The following GPR158 variants were observed in gnomAD, a reference collection of about 807,000 sequenced individuals.
GPR158 encodes G protein-coupled receptor 158.
A neutral mutation model predicts 78.2 loss-of-function variants in GPR158; 30 were observed. That is an observed-to-expected ratio of 0.38 (90% confidence interval 0.29 to 0.52). The LOEUF is 0.52. Among genes scored for constraint, GPR158 ranks in the 20% least tolerant of loss-of-function variants. The probability of loss-of-function intolerance (pLI) is 0.83; values close to 1 mark genes in which losing one functional copy is unlikely to be tolerated. For synonymous variants in GPR158, 581 were observed against 591.1 expected (o/e 0.98, Z 0.25); for missense variants, 1,463 against 1,523.5 (o/e 0.96, Z 0.66).
At chr10:25,455,713 G>A (rs1016128799) in intron 4 of GPR158, among the ~76,000 whole-genome samples, 1 of 152,066 alleles carries the variant, frequency 6.6e-6, no homozygotes, top group African/African-American at 2.4e-5. Flanking sequence ...GAATATATGA[G>A]ACTCTAAAAT....
At chr10:25,530,689 T>C (rs1003041723) in intron 5 of GPR158, among the ~76,000 whole-genome samples, 1 of 152,236 alleles carries the variant, frequency 6.6e-6, no homozygotes, top group African/African-American at 2.4e-5. Flanking sequence ...TAAGCAATCT[T>C]GATGTGATAA....
intron 1 of GPR158, among the ~76,000 whole-genome samples, chr10:25,186,959 C>A (rs1852696859): frequency 1.4e-5 from 2 of 141,422 alleles, no homozygotes; most frequent in Non-Finnish European, 3.0e-5. Flanking sequence ...CTCCCTAACT[C>A]ATTTTTTTTT....
At chr10:25,532,471 T>C (rs1451476571) in intron 5 of GPR158, among the ~76,000 whole-genome samples, 1 of 152,192 alleles carries the variant, frequency 6.6e-6, no homozygotes, top group African/African-American at 2.4e-5. Flanking sequence ...CTGTGAATTC[T>C]TCTGCATTTT....
intron 4 of GPR158, among the ~76,000 whole-genome samples, chr10:25,420,198 A>G (rs1265839807): frequency 2.0e-5 from 3 of 152,154 alleles, no homozygotes; most frequent in Non-Finnish European, 2.9e-5. Flanking sequence ...TACTCAGGCT[A>G]TAATGCAGTG....
At chr10:25,472,904 G>C (rs1835529001) in intron 5 of GPR158, among the ~76,000 whole-genome samples, 1 of 152,088 alleles carries the variant, frequency 6.6e-6, no homozygotes, top group Non-Finnish European at 1.5e-5. Context: ...CTGGAAACAG[G>C]GACAATTTGA....
At chr10:25,569,053 C>T (rs1836968806) in intron 6 of GPR158, among the ~76,000 whole-genome samples, 1 of 152,054 alleles carries the variant, frequency 6.6e-6, no homozygotes, top group African/African-American at 2.4e-5. Context: ...TTTACAAAAA[C>T]CAATATCCTG....
chr10:25,344,089 T>G (rs1279395227), intron 2 of GPR158, among the ~76,000 whole-genome samples: 1 of 151,986 alleles, frequency 6.6e-6, no homozygotes, highest in Non-Finnish European at 1.5e-5. Flanking sequence ...GAGACATTCC[T>G]CAGGACTCAC....
chr10:25,214,964 C>G (rs1336448980), intron 1 of GPR158, among the ~76,000 whole-genome samples: 1 of 152,164 alleles, frequency 6.6e-6, no homozygotes, highest in African/African-American at 2.4e-5. Context: ...AACTAATACA[C>G]CATATTTTAT....
rs762987000 is a variant in GPR158, at chr10:25,175,800, A to T, written c.380A>T (p.Asp127Val). The T allele has an allele frequency of 1.3e-5, 21 of 1,611,904 alleles. No individual in the cohort carries two copies. The South Asian group carries it at 2.3e-4, about 18-fold the overall frequency. ...SAHPSLHRAL[D>V]TLTHATNFLN... ...CACCCCTCCTTGCACCGGGCGCTGG[A>T]CACACTGACACACGCCACCAACTTC... The change falls in exon 1 of 11, where the codon GAC (aspartate) becomes GTC (valine). Residue 127 changes from aspartate to valine, a missense_variant. Coordinates refer to ENST00000376351, the MANE Select transcript of GPR158 (RefSeq NM_020752.3). This position sits in a 1 kb window ranked among gnomAD's most constrained non-coding sequence, Gnocchi z 6.4.
At chr10:25,506,680 T>C (rs966905639) in intron 5 of GPR158, among the ~76,000 whole-genome samples, 2 of 152,182 alleles carry the variant, frequency 1.3e-5, no homozygotes, top group Non-Finnish European at 2.9e-5. Flanking sequence ...TGAGGGCTGA[T>C]AGCATGATAC....
At chr10:25,457,704 T>C (rs1407981745) in intron 4 of GPR158, among the ~76,000 whole-genome samples, 1 of 152,210 alleles carries the variant, frequency 6.6e-6, no homozygotes, top group Non-Finnish European at 1.5e-5. Flanking sequence ...AGTGTTTGGG[T>C]GCTAAGTTGC....
In GPR158 at chr10:25,302,731, T is replaced by A. The variant is rs1219720695; in HGVS notation, c.1008+81574T>A. 7.9e-5 allele frequency among the ~76,000 whole-genome samples: 12 copies of A among 152,340 alleles called. No homozygotes were observed. The East Asian group carries it at 2.3e-3, about 29-fold the overall frequency. On this transcript the variant is annotated intron_variant, in intron 2 of 10. Transcript: ENST00000376351. ...AAACAGACTGCAGATCAAAAACAGT[T>A]TGGCAGCCCCTGTTCTAAGTCAGTG...
chr10:25,516,165 C>A (rs1374852632), intron 5 of GPR158, among the ~76,000 whole-genome samples: 1 of 151,982 alleles, frequency 6.6e-6, no homozygotes, highest in African/African-American at 2.4e-5. Context: ...GCATAAATGT[C>A]TTCTTTTGAG....
chr10:25,176,166 G>A lies in GPR158; in HGVS notation c.746G>A (p.Ser249Asn), dbSNP rs745772383. The A allele has an allele frequency of 8.9e-6, 14 of 1,577,516 alleles. No individual in the cohort carries two copies. Among genetic ancestry groups the A allele is most frequent in the Middle Eastern group, 3.4e-4 (2 of 5,886 alleles). ...CAGGGGCCCCGGGGCCTGGGCCACA[G>A]CTGGCGGCGCAAGGACGGGCTCGGC... ...PNQGPRGLGH[S>N]WRRKDGLGGD... The change falls in exon 1 of 11, where the codon AGC becomes AAC. Residue 249 changes from serine to asparagine, a missense_variant. Ser to Asn is a conservative substitution (Grantham distance 46, BLOSUM62 1). Coordinates refer to ENST00000376351, the MANE Select transcript of GPR158 (RefSeq NM_020752.3). This position sits in a 1 kb window ranked among gnomAD's most constrained non-coding sequence, Gnocchi z 6.3.
intron 7 of GPR158, among the ~76,000 whole-genome samples, chr10:25,582,230 GCTCCT>G (rs1837212496): frequency 1.3e-5 from 2 of 152,166 alleles, no homozygotes; most frequent in African/African-American, 2.4e-5. Context: ...GACATAGCCT[GCTCCT>G]CTGACCTGGA....
At chr10:25,374,532 C>G (rs1834047688) in intron 2 of GPR158, among the ~76,000 whole-genome samples, 2 of 151,674 alleles carry the variant, frequency 1.3e-5, no homozygotes, top group Non-Finnish European at 3.0e-5. Context: ...CATTATGAAG[C>G]TTTCTATTCA....
chr10:25,369,353 A>G (rs1460444631), intron 2 of GPR158, among the ~76,000 whole-genome samples: 3 of 150,032 alleles, frequency 2.0e-5, no homozygotes, highest in Non-Finnish European at 2.9e-5. Flanking sequence ...TCAATAGCTA[A>G]TTTATTGAGA....
chr10:25,449,308 T>C (rs923750417), intron 4 of GPR158, among the ~76,000 whole-genome samples: 3 of 152,232 alleles, frequency 2.0e-5, no homozygotes, highest in African/African-American at 7.2e-5. Flanking sequence ...TTTATGGAAA[T>C]TCCAGAATAA....
chr10:25,216,701 G>C (rs556663247), intron 1 of GPR158, among the ~76,000 whole-genome samples: 1 of 152,320 alleles, frequency 6.6e-6, no homozygotes, highest in African/African-American at 2.4e-5. Context: ...GAGAATAAGG[G>C]ACTCTCTTCC....
Sources: allele counts gnomAD v4.1 joint callset (sites outside exome capture counted in the v4.1 genomes callset), GRCh38; gene constraint gnomAD v4.1.1; non-coding constraint Gnocchi (gnomAD v3.1); transcripts MANE v1.5; gene names NCBI Gene and HGNC (gene_info 2026-07-23, HGNC 2026-07-21).